KLF12: variants seen among roughly 807,000 people sequenced by gnomAD.
KLF12 encodes KLF transcription factor 12, also known as Krueppel-like factor 12.
A neutral mutation model predicts 37.8 loss-of-function variants in KLF12; 9 were observed. That is an observed-to-expected ratio of 0.24 (90% CI 0.14 to 0.42). The LOEUF is 0.42. Among genes scored for constraint, KLF12 ranks in the 10% least tolerant of loss-of-function variants. KLF12 has a pLI of 1.00. For synonymous variants in KLF12, 208 were observed against 202.1 expected, an observed-to-expected ratio of 1.03 and a Z score of -0.25; for missense variants, 411 against 516.0, an observed-to-expected ratio of 0.80 and a Z score of 1.97.
intron 3 of KLF12, among the ~76,000 whole-genome samples, chr13:73,889,118 G>A (rs1887373965): frequency 6.6e-6 from 1 of 152,196 alleles, no homozygotes; most frequent in African/African-American, 2.4e-5. Context: ...CCACGGGAGT[G>A]TGTGTGCCTC....
chr13:73,913,398 C>T (rs529865397), intron 3 of KLF12, among the ~76,000 whole-genome samples: 2 of 152,306 alleles, frequency 1.3e-5, no homozygotes, highest in East Asian at 3.9e-4. Flanking sequence ...GGCTAGTCCT[C>T]GGGTTTGCCA....
intron 1 of KLF12, among the ~76,000 whole-genome samples, chr13:74,071,075 C>T (rs1252205649): frequency 6.6e-6 from 1 of 152,162 alleles, no homozygotes; most frequent in East Asian, 1.9e-4. Context: ...AACCACCACA[C>T]CCTAATAAGT....
the KLF12 span, among the ~76,000 whole-genome samples, chr13:74,212,455 TA>T: frequency 2.0e-5 from 3 of 152,214 alleles, no homozygotes; most frequent in Non-Finnish European, 2.9e-5. Flanking sequence ...ATGGATGATA[TA>T]ATTGTAGTTT....
At chr13:74,252,191 C>T in the KLF12 span, among the ~76,000 whole-genome samples, 1 of 152,146 alleles carries the variant, frequency 6.6e-6, no homozygotes, top group Non-Finnish European at 1.5e-5. Flanking sequence ...GATTATTGAC[C>T]TAACGCTTGT....
At chr13:73,705,045 A>C (rs926316144) in intron 7 of KLF12, among the ~76,000 whole-genome samples, 2 of 152,118 alleles carry the variant, frequency 1.3e-5, no homozygotes, top group African/African-American at 4.8e-5. Flanking sequence ...TTTTGAAAAT[A>C]AAAATATATT....
chr13:73,767,761 T>C (rs1406999946), intron 5 of KLF12, among the ~76,000 whole-genome samples: 1 of 152,124 alleles, frequency 6.6e-6, no homozygotes, highest in African/African-American at 2.4e-5. Flanking sequence ...GATGACTTAA[T>C]ACAAAAACGG....
At chr13:73,712,064 C>T (rs574126573) in intron 7 of KLF12, among the ~76,000 whole-genome samples, 38 of 152,192 alleles carry the variant, frequency 2.5e-4, no homozygotes, top group African/African-American at 7.7e-4. Flanking sequence ...TGGAGCCGGG[C>T]GCGGTGGCTC....
chr13:74,206,457 C>A, the KLF12 span, among the ~76,000 whole-genome samples: 2 of 152,280 alleles, frequency 1.3e-5, no homozygotes, highest in Non-Finnish European at 2.9e-5. Context: ...CAGGCAACCA[C>A]TTTTGAGTAG....
the KLF12 span, among the ~76,000 whole-genome samples, chr13:74,241,473 C>G: frequency 6.6e-6 from 1 of 152,234 alleles, no homozygotes; most frequent in South Asian, 2.1e-4. Flanking sequence ...GGGCTCCACC[C>G]AGTTCGAGCT....
intron 4 of KLF12, among the ~76,000 whole-genome samples, chr13:73,830,339 A>T (rs1005051866): frequency 6.6e-6 from 1 of 152,194 alleles, no homozygotes. Context: ...TCTTTGATAA[A>T]CTTAATAAAT....
At chr13:73,965,100 A>C (rs1471042600) in intron 2 of KLF12, among the ~76,000 whole-genome samples, 1 of 152,100 alleles carries the variant, frequency 6.6e-6, no homozygotes, top group Non-Finnish European at 1.5e-5. Context: ...TCTGTGAGGG[A>C]TCAGTGTGAC....
chr13:74,038,314 A>G (rs1365745114), intron 1 of KLF12, among the ~76,000 whole-genome samples: 1 of 152,222 alleles, frequency 6.6e-6, no homozygotes, highest in Non-Finnish European at 1.5e-5. Context: ...ACACTGTTAG[A>G]CATACATGCA....
chr13:73,788,112 T>A (rs981084395), intron 5 of KLF12, among the ~76,000 whole-genome samples: 3 of 152,234 alleles, frequency 2.0e-5, no homozygotes, highest in Non-Finnish European at 2.9e-5. Context: ...TTTGATGACT[T>A]CTTTCCCTAT....
At chr13:74,181,420 C>T in the KLF12 span, among the ~76,000 whole-genome samples, 3 of 149,806 alleles carry the variant, frequency 2.0e-5, no homozygotes, top group South Asian at 2.1e-4. Context: ...TGGTGGCTCA[C>T]GCCTGTAATC....
chr13:73,789,722 G>A (rs1294448181), intron 5 of KLF12, among the ~76,000 whole-genome samples: 2 of 151,278 alleles, frequency 1.3e-5, no homozygotes, highest in Admixed American at 6.6e-5. Flanking sequence ...TGTCGCCCAG[G>A]CTGGAGTGCG....
chr13:74,139,342 C>A, the KLF12 span, among the ~76,000 whole-genome samples: 1 of 152,322 alleles, frequency 6.6e-6, no homozygotes, highest in East Asian at 1.9e-4. Context: ...TACCCTCACA[C>A]TGTTTTGCAC....
chr13:74,015,911 C>T (rs1892677102), intron 1 of KLF12, among the ~76,000 whole-genome samples: 1 of 152,094 alleles, frequency 6.6e-6, no homozygotes, highest in South Asian at 2.1e-4. Context: ...TGCAAAATTC[C>T]TTAGCCAGAT....
intron 7 of KLF12, among the ~76,000 whole-genome samples, chr13:73,703,429 A>G (rs1044676313): frequency 6.6e-6 from 1 of 152,098 alleles, no homozygotes; most frequent in Non-Finnish European, 1.5e-5. Context: ...AATCTATTCC[A>G]TAATGTCCAT....
chr13:73,977,334 G>A (rs577817985), intron 2 of KLF12, among the ~76,000 whole-genome samples: 23 of 152,160 alleles, frequency 1.5e-4, no homozygotes, highest in Admixed American at 3.3e-4. Flanking sequence ...ATGAGCCACC[G>A]TGCCCAGCTA....
Sources: allele counts gnomAD v4.1 joint callset (sites outside exome capture counted in the v4.1 genomes callset), GRCh38; gene constraint gnomAD v4.1.1; transcripts MANE v1.5; gene names NCBI Gene and HGNC (gene_info 2026-07-23, HGNC 2026-07-21).